Variants in CNNM2 observed in about 807,000 individuals in gnomAD.
The protein encoded by CNNM2 is cyclin and CBS domain divalent metal cation transport mediator 2, also known as metal transporter CNNM2.
In CNNM2, 12 loss-of-function variants were observed where a neutral mutation model predicts 66.9. The ratio of observed to expected loss-of-function variants is 0.18; its 90% CI spans 0.11 to 0.29. The LOEUF is 0.29. Ranked by LOEUF, CNNM2 falls within the 10% of genes least tolerant of loss-of-function variation. The pLI is 1.00. For synonymous variants in CNNM2, 557 were observed against 501.8 expected, an observed-to-expected ratio of 1.11 and a Z score of -1.47; for missense variants, 705 against 1,167.7, an observed-to-expected ratio of 0.60 and a Z score of 5.77.
intron 1 of CNNM2, among the ~76,000 whole-genome samples, chr10:102,974,969 T>TG (rs2063603378): frequency 6.6e-6 from 1 of 152,182 alleles, no homozygotes; most frequent in Non-Finnish European, 1.5e-5. Flanking sequence ...CATGAGAACT[T>TG]GGGGCATGGG....
At chr10:102,984,672 A>AT (rs1004741274) in intron 1 of CNNM2, among the ~76,000 whole-genome samples, 2 of 151,886 alleles carry the variant, frequency 1.3e-5, no homozygotes, top group African/African-American at 4.8e-5. Context: ...CTTCTATCTT[A>AT]TTTTTTTGAG....
chr10:102,931,919 C>CCTTA (rs1420421505), intron 1 of CNNM2, among the ~76,000 whole-genome samples: 1 of 150,264 alleles, frequency 6.7e-6, no homozygotes, highest in Non-Finnish European at 1.5e-5. Flanking sequence ...ATTTGCATTT[C>CCTTA]CTTAATGACT....
At chr10:102,959,135 A>T (rs1847156583) in intron 1 of CNNM2, among the ~76,000 whole-genome samples, 5 of 151,886 alleles carry the variant, frequency 3.3e-5, no homozygotes, top group Admixed American at 3.3e-4. Flanking sequence ...AGGTTTTACC[A>T]TGTTGCCTAG....
chr10:103,017,963 C>CAAAAA (rs59984156), intron 1 of CNNM2, among the ~76,000 whole-genome samples: 2,770 of 78,722 alleles, frequency 0.035, 120 homozygotes, highest in Non-Finnish European at 0.051. Flanking sequence ...GAATCTGTCT[C>CAAAAA]AAAAAAAAAA....
At chr10:103,058,926 T>C (rs1176751522) in intron 4 of CNNM2, among the ~76,000 whole-genome samples, 1 of 152,242 alleles carries the variant, frequency 6.6e-6, no homozygotes, top group Non-Finnish European at 1.5e-5. Context: ...TTCATGCCAC[T>C]TTAGGGAGCA....
At position 102,919,560 on chromosome 10, in the gene CNNM2, C is replaced by T. The variant is rs376401430; in HGVS notation, c.1080C>T (p.Pro360=). ...IGIVIFGEIV[P]QAICSRHGLA... is the part of the protein sequence containing the mutation. ...TCGTCATCTTCGGAGAGATCGTGCCCCAGGCCATCTGCTCCCGGCATGGCC... is the reference window on the plus strand; with the variant it reads ...TCGTCATCTTCGGAGAGATCGTGCCTCAGGCCATCTGCTCCCGGCATGGCC... Residue 360 remains proline, a synonymous_variant, in exon 1 of 8, where the codon CCC becomes CCT. Transcript: ENST00000369878. 1.1e-5 allele frequency: 18 copies of T among 1,613,382 alleles called. No individual in the cohort carries two copies. In the African/African-American group the frequency reaches 2.1e-4, roughly 19 times the overall value.
At chr10:102,934,353 T>A (rs2134170275) in intron 1 of CNNM2, among the ~76,000 whole-genome samples, 1 of 149,646 alleles carries the variant, frequency 6.7e-6, no homozygotes. Context: ...CGATCTCTGC[T>A]CACTGCAAAC....
At chr10:103,062,711 G>A (rs1451143819) in intron 4 of CNNM2, among the ~76,000 whole-genome samples, 1 of 152,190 alleles carries the variant, frequency 6.6e-6, no homozygotes, top group Non-Finnish European at 1.5e-5. Flanking sequence ...CTGGGCCTTT[G>A]TGTGTCCAAG....
At chr10:102,958,456 C>CTTT (rs1847128391) in intron 1 of CNNM2, among the ~76,000 whole-genome samples, 1 of 114,288 alleles carries the variant, frequency 8.7e-6, no homozygotes, top group African/African-American at 3.3e-5. Flanking sequence ...ATTCAAGCAA[C>CTTT]TTGTTTTTTT....
At chr10:102,975,477 A>AT in intron 1 of CNNM2, among the ~76,000 whole-genome samples, 1 of 148,420 alleles carries the variant, frequency 6.7e-6, no homozygotes, top group African/African-American at 2.4e-5. Context: ...TAGAAAAAAA[A>AT]AAAAAAAAAA....
intron 1 of CNNM2, among the ~76,000 whole-genome samples, chr10:102,925,902 G>C (rs1455377487): frequency 6.6e-6 from 1 of 152,170 alleles, no homozygotes; most frequent in East Asian, 1.9e-4. Flanking sequence ...TTTAGGAAAT[G>C]AGTGTTGATA....
Position 103,089,493 on chromosome 10 carries a change from T to G in CNNM2, c.*12313T>G. 1 of 1,150,620 alleles carries G rather than the reference T, an allele frequency of 8.7e-7. No individual in the cohort carries two copies. The highest frequency in any genetic ancestry group is 1.2e-6 in the Non-Finnish European group (1 of 851,070). The allele number at this position is 1,150,620 out of a possible 1,614,324, so 71.3% of individuals were successfully genotyped here. A position where few individuals can be genotyped will look rare whatever the true frequency, so the allele number is the denominator to read the frequency against. On this transcript the variant is annotated 3_prime_UTR_variant, in exon 8 of 8. Transcript: ENST00000369878. ...ACAATTTTGGACCATCTGCAGAGAG[T>G]ACAGATACACAAAACCAAAACAAGT...
At chr10:103,035,518 A>G (rs929832213) in intron 1 of CNNM2, among the ~76,000 whole-genome samples, 1 of 152,230 alleles carries the variant, frequency 6.6e-6, no homozygotes, top group Non-Finnish European at 1.5e-5. Flanking sequence ...GAGTCTTTAA[A>G]TACTCAGAGA....
Position 102,932,630 on chromosome 10 carries a change from A to G in CNNM2, c.1621+12529A>G, listed in dbSNP as rs191479058. On this transcript the variant is annotated intron_variant, in intron 1 of 7. Coordinates refer to ENST00000369878, the MANE Select transcript of CNNM2 (RefSeq NM_017649.5). ...GTCTTGACATACTTGTCAAAAATCA[A>G]TTGGTAACCAGGCACGGTGGCTCAC... Among the ~76,000 whole-genome samples, 369 of 152,128 alleles carry G rather than the reference A, an allele frequency of 2.4e-3. 2 individuals carry two copies. Among genetic ancestry groups the G allele is most frequent in the African/African-American group, 8.5e-3 (352 of 41,534 alleles).
In CNNM2 at chr10:103,090,081, C is replaced by CCTG; in HGVS notation, c.*12901_*12902insCTG. ...ACTACTTATAGTTGCCTGTCTTCCTCTCTCCCTGCCCCTCAAAATGGTGCC... is the reference window on the plus strand; with the variant it reads ...ACTACTTATAGTTGCCTGTCTTCCTCCTGTCTCCCTGCCCCTCAAAATGGTGCC... On this transcript the variant is annotated 3_prime_UTR_variant, in exon 8 of 8. Coordinates refer to ENST00000369878, the MANE Select transcript of CNNM2 (RefSeq NM_017649.5). The CCTG allele has an allele frequency of 2.0e-6, 1 of 496,896 alleles. No homozygotes were observed. Among genetic ancestry groups the CCTG allele is most frequent in the Non-Finnish European group, 3.5e-6 (1 of 288,290 alleles). The allele number at this position is 496,896 out of a possible 1,614,324, so 30.8% of individuals were successfully genotyped here. A position where few individuals can be genotyped will look rare whatever the true frequency, so the allele number is the denominator to read the frequency against.
intron 1 of CNNM2, among the ~76,000 whole-genome samples, chr10:102,974,276 G>A (rs1490959046): frequency 6.6e-6 from 1 of 152,164 alleles, no homozygotes; most frequent in Non-Finnish European, 1.5e-5. Context: ...CTCTAAGATG[G>A]GGCATGTACA....
At chr10:102,927,525 C>G in intron 1 of CNNM2, 1 of 1,475,532 alleles carries the variant, frequency 6.8e-7, no homozygotes, top group Non-Finnish European at 9.1e-7. Context: ...TTTGGGAGGC[C>G]CAGGGAGGTG....
At chr10:103,069,062 C>T (rs1253016399) in intron 5 of CNNM2, among the ~76,000 whole-genome samples, 2 of 152,196 alleles carry the variant, frequency 1.3e-5, no homozygotes, top group Non-Finnish European at 2.9e-5. Flanking sequence ...TTGAACTTTG[C>T]ATAAATGGAG....
chr10:102,982,260 G>A (rs2063730979), intron 1 of CNNM2, among the ~76,000 whole-genome samples: 1 of 152,040 alleles, frequency 6.6e-6, no homozygotes, highest in Non-Finnish European at 1.5e-5. Context: ...TATCACACTG[G>A]CTATATTATT....
Sources: gnomAD v4.1 joint callset for allele counts (sites outside exome capture counted in the v4.1 genomes callset) on GRCh38, gnomAD v4.1.1 for gene constraint, MANE v1.5 for transcripts, NCBI Gene and HGNC (gene_info 2026-07-23, HGNC 2026-07-21) for gene names.